Variants in DCHS2 observed in about 807,000 individuals in gnomAD.
DCHS2 encodes the protein protocadherin-23.
Under a neutral mutation model 182.4 loss-of-function variants are expected in DCHS2, and 142 were observed. The ratio of observed to expected loss-of-function variants is 0.78; its 90% CI spans 0.68 to 0.89. The LOEUF is 0.89. Ranked by LOEUF, DCHS2 falls within the 40% of genes least tolerant of loss-of-function variation. DCHS2 has a pLI of 0.00. For missense variants in DCHS2, 4,319 were observed against 4,198.6 expected (o/e 1.03, Z -0.79); for synonymous variants, 1,740 against 1,663.3 (o/e 1.05, Z -1.12).
intron 1 of DCHS2, among the ~76,000 whole-genome samples, chr4:154,446,111 T>C (rs1311578632): frequency 6.6e-6 from 1 of 152,246 alleles, no homozygotes; most frequent in Non-Finnish European, 1.5e-5. Context: ...CTAACTCTCC[T>C]ATGTTAGATA....
intron 11 of DCHS2, 62 bp downstream of exon 11, chr4:154,305,035 C>T: frequency 6.6e-7 from 1 of 1,510,336 alleles, no homozygotes; most frequent in Non-Finnish European, 8.8e-7. Flanking sequence ...CACCACTTAA[C>T]AGGTTTTTTT....
chr4:154,273,650 T>C (rs972964878), intron 13 of DCHS2, among the ~76,000 whole-genome samples: 1 of 151,944 alleles, frequency 6.6e-6, no homozygotes, highest in Non-Finnish European at 1.5e-5. Flanking sequence ...TATGTATACA[T>C]AGAAAAAATA....
chr4:154,480,872 C>A (rs1334554826), intron 1 of DCHS2, among the ~76,000 whole-genome samples: 1 of 151,820 alleles, frequency 6.6e-6, no homozygotes, highest in Non-Finnish European at 1.5e-5. Flanking sequence ...CAAGCACTCA[C>A]CAACAGAGGC....
In DCHS2 at chr4:154,373,976, C is replaced by A. The variant is rs375162401; in HGVS notation, c.2244+3277G>T. The A allele has an allele frequency of 8.3e-6, 12 of 1,445,048 alleles. No individual in the cohort carries two copies. In the African/African-American group the frequency reaches 1.7e-4, roughly 21 times the overall value. The allele number at this position is 1,445,048 out of a possible 1,614,324, so 89.5% of individuals were successfully genotyped here. ...TCATCCTGAAAACAATGAATTGATC[C>A]TTTTTGGAGGTGGATATTTTAATAG... is the stretch of plus-strand genomic sequence containing the variant. On this transcript the variant is annotated intron_variant, in intron 2 of 19. Transcript: ENST00000357232.
At chr4:154,391,710 G>A (rs536023980) in intron 1 of DCHS2, among the ~76,000 whole-genome samples, 2 of 152,098 alleles carry the variant, frequency 1.3e-5, no homozygotes, top group African/African-American at 4.8e-5. Context: ...TGTTTTGGGG[G>A]TTCTGTGTGT....
intron 1 of DCHS2, among the ~76,000 whole-genome samples, chr4:154,415,032 C>T (rs1274894209): frequency 6.6e-6 from 1 of 152,212 alleles, no homozygotes; most frequent in African/African-American, 2.4e-5. Context: ...ACCCCTGTAA[C>T]ATACTGTCCT....
At chr4:154,466,483 A>T (rs967889737) in intron 1 of DCHS2, among the ~76,000 whole-genome samples, 3 of 152,238 alleles carry the variant, frequency 2.0e-5, no homozygotes, top group Non-Finnish European at 4.4e-5. Flanking sequence ...CCAGCTCTTC[A>T]TCCTGAATGG....
At chr4:154,363,209 T>C (rs1349657396) in intron 3 of DCHS2, among the ~76,000 whole-genome samples, 3 of 152,150 alleles carry the variant, frequency 2.0e-5, no homozygotes, top group Admixed American at 6.6e-5. Flanking sequence ...AGTCTACTTC[T>C]GAGTATATAT....
chr4:154,404,598 A>G (rs1732322804), intron 1 of DCHS2, among the ~76,000 whole-genome samples: 1 of 152,224 alleles, frequency 6.6e-6, no homozygotes. Flanking sequence ...CTACTTGACC[A>G]ATCAACTACT....
At chr4:154,278,802 G>A (rs1448406956) in intron 13 of DCHS2, among the ~76,000 whole-genome samples, 1 of 152,006 alleles carries the variant, frequency 6.6e-6, no homozygotes, top group Non-Finnish European at 1.5e-5. Context: ...CTTCATAAAT[G>A]AAGGAGAGGT....
At chr4:154,299,879 C>T (rs1045456635) in intron 12 of DCHS2, among the ~76,000 whole-genome samples, 36 of 152,242 alleles carry the variant, frequency 2.4e-4, no homozygotes, top group Admixed American at 1.9e-3. Flanking sequence ...ATGTGAAAAT[C>T]ATATGTACAG....
intron 1 of DCHS2, among the ~76,000 whole-genome samples, chr4:154,461,629 T>C (rs539606201): frequency 2.0e-5 from 3 of 152,266 alleles, no homozygotes; most frequent in African/African-American, 7.2e-5. Flanking sequence ...ATTTAAGAAA[T>C]AGAACATATT....
chr4:154,385,429 G>GT (rs1561082460), intron 1 of DCHS2, among the ~76,000 whole-genome samples: 1 of 152,038 alleles, frequency 6.6e-6, no homozygotes, highest in African/African-American at 2.4e-5. Flanking sequence ...AATCCTTTGG[G>GT]TATATACCCA....
intron 3 of DCHS2, among the ~76,000 whole-genome samples, chr4:154,365,800 C>T: frequency 6.6e-6 from 1 of 151,918 alleles, no homozygotes. Context: ...AGGCGCCCAC[C>T]ACCACGTCCG....
rs1471028698 is a variant in DCHS2 at position 154,465,446 on chromosome 4, G to A, written c.2052+23858C>T. ...CAGTTTGGGAGACCAAGGCGGGTGG[G>A]TCACCTGAGGTCGGGAGCTCAAGAC... On this transcript the variant is annotated intron_variant, in intron 1 of 19. Coordinates refer to ENST00000357232, the MANE Select transcript of DCHS2 (RefSeq NM_001358235.2). Among the ~76,000 whole-genome samples, 5 of 152,206 alleles carry A rather than the reference G, an allele frequency of 3.3e-5. No individual in the cohort carries two copies. In the East Asian group the frequency reaches 7.7e-4, roughly 24 times the overall value.
chr4:154,415,047 A>T (rs1305502342), intron 1 of DCHS2, among the ~76,000 whole-genome samples: 1 of 152,214 alleles, frequency 6.6e-6, no homozygotes, highest in Non-Finnish European at 1.5e-5. Flanking sequence ...TGTCCTCTTT[A>T]GCAGCTGTTC....
intron 13 of DCHS2, among the ~76,000 whole-genome samples, chr4:154,294,002 G>A (rs1734796822): frequency 6.6e-6 from 1 of 151,890 alleles, no homozygotes; most frequent in Non-Finnish European, 1.5e-5. Flanking sequence ...TATGCCTTTT[G>A]TTATCTTAGA....
At chr4:154,358,732 T>G (rs909690920) in intron 3 of DCHS2, among the ~76,000 whole-genome samples, 1 of 152,062 alleles carries the variant, frequency 6.6e-6, no homozygotes, top group Non-Finnish European at 1.5e-5. Flanking sequence ...AAACAGGAGC[T>G]AGAAAACCTA....
At chr4:154,315,046 A>G (rs1195326071) in intron 10 of DCHS2, among the ~76,000 whole-genome samples, 1 of 152,178 alleles carries the variant, frequency 6.6e-6, no homozygotes, top group Non-Finnish European at 1.5e-5. Context: ...AAGTCTAAGA[A>G]ATTTATAAAT....
Sources: allele counts gnomAD v4.1 joint callset (sites outside exome capture counted in the v4.1 genomes callset), GRCh38; gene constraint gnomAD v4.1.1; transcripts MANE v1.5; gene names NCBI Gene and HGNC (gene_info 2026-07-23, HGNC 2026-07-21).